The following GPHN variants were observed in gnomAD, a reference collection of about 807,000 sequenced individuals.
The protein encoded by GPHN is gephyrin.
In GPHN, 17 loss-of-function variants were observed where a neutral mutation model predicts 95.5. The observed-to-expected ratio is 0.18, with a 90% CI of 0.12 to 0.27. GPHN has a LOEUF of 0.27. GPHN is among the 10% of genes least tolerant of loss of function. The probability of loss-of-function intolerance (pLI) is 1.00; values close to 1 mark genes in which losing one functional copy is unlikely to be tolerated. For missense variants in GPHN, 660 were observed against 978.1 expected (o/e 0.67, Z 4.34); for synonymous variants, 320 against 322.5 (o/e 0.99, Z 0.08).
intron 5 of GPHN, among the ~76,000 whole-genome samples, chr14:66,897,747 T>C (rs2064930472): frequency 6.6e-6 from 1 of 152,134 alleles, no homozygotes; most frequent in East Asian, 1.9e-4. Context: ...GAAGGACATC[T>C]GGGTTGTTTA....
intron 2 of GPHN, among the ~76,000 whole-genome samples, chr14:66,691,257 T>G (rs777516351): frequency 6.6e-6 from 1 of 152,046 alleles, no homozygotes; most frequent in African/African-American, 2.4e-5. Flanking sequence ...CAATCTCGGC[T>G]CACTGCAACG....
At chr14:67,332,802 T>C in the GPHN span, 2 of 1,611,944 alleles carry the variant, frequency 1.2e-6, no homozygotes, top group African/African-American at 1.3e-5. Flanking sequence ...AGAGAAATCA[T>C]TGAGAAGACA....
chr14:67,684,685 C>T, the GPHN span: 1 of 166,680 alleles, frequency 6.0e-6, no homozygotes, highest in African/African-American at 2.4e-5. Flanking sequence ...AGCCACTGCG[C>T]CTGGCCTCAA....
chr14:67,320,084 C>CTGA, the GPHN span: 1 of 581,352 alleles, frequency 1.7e-6, no homozygotes. Context: ...ATATTGTTGT[C>CTGA]TGATTCATTT....
intron 4 of GPHN, among the ~76,000 whole-genome samples, chr14:66,852,804 G>T (rs182358230): frequency 1.3e-5 from 2 of 152,256 alleles, no homozygotes; most frequent in South Asian, 2.1e-4. Flanking sequence ...TAAAATTAGT[G>T]AACTCTCATT....
At chr14:67,670,032 C>T in the GPHN span, among the ~76,000 whole-genome samples, 1 of 152,176 alleles carries the variant, frequency 6.6e-6, no homozygotes, top group Non-Finnish European at 1.5e-5. Flanking sequence ...GAAGCCAAGG[C>T]TGCAGTGAGC....
intron 10 of GPHN, among the ~76,000 whole-genome samples, chr14:67,057,410 G>T (rs530008708): frequency 6.7e-6 from 1 of 148,392 alleles, no homozygotes; most frequent in African/African-American, 2.6e-5. Flanking sequence ...GGGCACATGG[G>T]TGGGGGGGGC....
chr14:67,192,713 A>T, the GPHN span, among the ~76,000 whole-genome samples: 14 of 149,394 alleles, frequency 9.4e-5, no homozygotes, highest in South Asian at 2.1e-4. Context: ...CTGCTGTTTT[A>T]AAAAAAAAAT....
chr14:66,620,139 C>T (rs1047566642), intron 1 of GPHN, among the ~76,000 whole-genome samples: 9 of 152,076 alleles, frequency 5.9e-5, no homozygotes, highest in Admixed American at 6.6e-5. Context: ...TTCACACTTA[C>T]CCATGTGATA....
At chr14:66,713,042 G>T in intron 2 of GPHN, among the ~76,000 whole-genome samples, 1 of 151,822 alleles carries the variant, frequency 6.6e-6, no homozygotes, top group South Asian at 2.1e-4. Flanking sequence ...GTATATTTTG[G>T]ATATATATTA....
chr14:67,187,532 C>G, the GPHN span, among the ~76,000 whole-genome samples: 2 of 152,238 alleles, frequency 1.3e-5, no homozygotes, highest in South Asian at 4.1e-4. Flanking sequence ...CTATCCTTCA[C>G]TCTGCTCTCA....
intron 17 of GPHN, among the ~76,000 whole-genome samples, chr14:67,127,479 G>T (rs1302967883): frequency 2.0e-5 from 3 of 152,164 alleles, no homozygotes; most frequent in African/African-American, 7.2e-5. Context: ...TTTACTCATT[G>T]TTTAATCAGT....
rs1330011882 is a variant in GPHN, at chr14:67,065,464, C to A, written c.1144+6678C>A. On this transcript the variant is annotated intron_variant, in intron 11 of 22. Coordinates refer to ENST00000478722, the MANE Select transcript of GPHN (RefSeq NM_020806.5). The stretch of plus-strand genomic sequence containing the variant: ...TCTATTAGGTCTGCTTGGTCCAGAG[C>A]TGAGTTTGAGTCCTGGATATCCTTG... 3.3e-5 allele frequency among the ~76,000 whole-genome samples: 5 copies of A among 152,124 alleles called. No individual in the cohort carries two copies. In the South Asian group the frequency reaches 6.2e-4, roughly 19 times the overall value.
chr14:67,372,350 C>T, the GPHN span, among the ~76,000 whole-genome samples: 1 of 152,058 alleles, frequency 6.6e-6, no homozygotes, highest in Non-Finnish European at 1.5e-5. Flanking sequence ...TAGAAGAAAA[C>T]AGGAATCTTT....
intron 5 of GPHN, among the ~76,000 whole-genome samples, chr14:66,884,837 T>TATAA (rs1334679290): frequency 1.4e-5 from 2 of 147,226 alleles, no homozygotes; most frequent in Non-Finnish European, 3.0e-5. Flanking sequence ...TATATATATA[T>TATAA]AAAATAAGAA....
At chr14:66,590,033 C>T (rs1433540966) in intron 1 of GPHN, among the ~76,000 whole-genome samples, 3 of 152,108 alleles carry the variant, frequency 2.0e-5, no homozygotes, top group Admixed American at 6.5e-5. Flanking sequence ...CACTCAAAAC[C>T]GCGTAACTAC....
At chr14:66,869,133 A>C (rs1297642123) in intron 4 of GPHN, among the ~76,000 whole-genome samples, 1 of 152,204 alleles carries the variant, frequency 6.6e-6, no homozygotes, top group Non-Finnish European at 1.5e-5. Context: ...AATGTATAAG[A>C]GGGAAACAGA....
At chr14:67,657,400 C>T in the GPHN span, among the ~76,000 whole-genome samples, 3 of 152,118 alleles carry the variant, frequency 2.0e-5, no homozygotes, top group East Asian at 1.9e-4. Context: ...GTATCTGGGG[C>T]TTGAGCAAGC....
chr14:67,193,137 G>GATATCTCTCTATATATCTCTATATAA, the GPHN span, among the ~76,000 whole-genome samples: 1 of 127,912 alleles, frequency 7.8e-6, no homozygotes, highest in Non-Finnish European at 1.7e-5. Flanking sequence ...TCTCTATATA[G>GATATCTCTCTATATATCTCTATATAA]ACATCTATCT....
Sources: allele counts gnomAD v4.1 joint callset (sites outside exome capture counted in the v4.1 genomes callset), GRCh38; gene constraint gnomAD v4.1.1; transcripts MANE v1.5; gene names NCBI Gene and HGNC (gene_info 2026-07-23, HGNC 2026-07-21).